Variants in GRIN2B observed in about 807,000 individuals in gnomAD.
GRIN2B encodes glutamate receptor ionotropic, NMDA 2B.
In GRIN2B, 5 loss-of-function variants were observed where a neutral mutation model predicts 114.5. The observed-to-expected ratio is 0.04, with a 90% CI of 0.02 to 0.09. GRIN2B has a LOEUF of 0.09. GRIN2B is among the 10% of genes least tolerant of loss of function. GRIN2B has a pLI of 1.00. For missense variants in GRIN2B, 1,108 were observed against 1,943.5 expected (o/e 0.57, Z 8.08); for synonymous variants, 787 against 745.1 (o/e 1.06, Z -0.92).
At chr12:13,817,232 C>A (rs537365764) in intron 3 of GRIN2B, among the ~76,000 whole-genome samples, 1 of 152,160 alleles carries the variant, frequency 6.6e-6, no homozygotes, top group Non-Finnish European at 1.5e-5. Flanking sequence ...GCCTCCTTCT[C>A]TGATGTCTCC....
intron 2 of GRIN2B, among the ~76,000 whole-genome samples, chr12:13,951,939 A>AT (rs1176767470): frequency 6.6e-6 from 1 of 152,214 alleles, no homozygotes; most frequent in African/African-American, 2.4e-5. Flanking sequence ...ATCCTTATTA[A>AT]TTGCTTGCAA....
chr12:13,598,461 C>A (rs982383896), intron 10 of GRIN2B, among the ~76,000 whole-genome samples: 1 of 152,188 alleles, frequency 6.6e-6, no homozygotes, highest in Non-Finnish European at 1.5e-5. Context: ...CTCACCAAGA[C>A]CTGTCACCTT....
intron 9 of GRIN2B, among the ~76,000 whole-genome samples, chr12:13,610,947 A>T (rs1949358850): frequency 6.6e-6 from 1 of 152,188 alleles, no homozygotes; most frequent in Admixed American, 6.5e-5. Context: ...TAGAGCTCAC[A>T]TTCTGGAATG....
In GRIN2B at chr12:13,539,259, C is replaced by CA. The variant is rs1157923049; in HGVS notation, c.*23523dup. The CA allele has an allele frequency of 6.6e-6, 1 of 152,352 alleles. No homozygotes were observed. Among genetic ancestry groups the CA allele is most frequent in the East Asian group, 1.9e-4 (1 of 5,184 alleles). The allele number at this position is 152,352 out of a possible 1,614,324, so 9.4% of individuals were successfully genotyped here. ...TAGCCAGGGCTGCCATACATGAGCT[C>CA]ACCCAGGCTCCTTGGCCATGAGACA... is the stretch of plus-strand genomic sequence containing the variant. On this transcript the variant is annotated 3_prime_UTR_variant, in exon 14 of 14. Coordinates refer to ENST00000609686, the MANE Select transcript of GRIN2B (RefSeq NM_000834.5).
intron 5 of GRIN2B, among the ~76,000 whole-genome samples, chr12:13,625,261 T>C (rs1949554963): frequency 1.3e-5 from 2 of 152,216 alleles, no homozygotes; most frequent in African/African-American, 4.8e-5. Flanking sequence ...CAAGAGAATA[T>C]TTATGACCTC....
chr12:13,707,558 T>C (rs907422973), intron 4 of GRIN2B, among the ~76,000 whole-genome samples: 1 of 152,194 alleles, frequency 6.6e-6, no homozygotes, highest in Middle Eastern at 3.4e-3. Flanking sequence ...TAAAGAAAAG[T>C]TAAACAGTGT....
Position 13,969,719 on chromosome 12 carries a change from G to A in GRIN2B, c.-19+10209C>T, listed in dbSNP as rs7960127. On this transcript the variant is annotated intron_variant, in intron 2 of 13. Transcript: ENST00000609686. ...TTTTCCTAATCTCTGTCTCAGTTGC[G>A]TAAATGCAGACTTATCAATAAACTA... is the stretch of plus-strand genomic sequence containing the variant. Among the ~76,000 whole-genome samples the A allele has an allele frequency of 9.4e-3, 1,438 of 152,204 alleles. 15 individuals carry two copies. Among genetic ancestry groups the A allele is most frequent in the African/African-American group, 0.028 (1,143 of 41,508 alleles).
intron 4 of GRIN2B, among the ~76,000 whole-genome samples, chr12:13,714,317 C>T (rs539788115): frequency 6.6e-6 from 1 of 152,002 alleles, no homozygotes; most frequent in East Asian, 1.9e-4. Flanking sequence ...GATACTTCCT[C>T]TGATACAGCG....
At chr12:13,586,583 G>C (rs565519748) in intron 10 of GRIN2B, among the ~76,000 whole-genome samples, 204 of 152,266 alleles carry the variant, frequency 1.3e-3, no homozygotes, top group Non-Finnish European at 2.4e-3. Context: ...CTTTGAAGAA[G>C]TCATTGCCAA....
At chr12:13,683,050 C>G (rs1950146125) in intron 4 of GRIN2B, among the ~76,000 whole-genome samples, 1 of 152,094 alleles carries the variant, frequency 6.6e-6, no homozygotes, top group Non-Finnish European at 1.5e-5. Flanking sequence ...CTGTGATAAC[C>G]TCCTATCTAT....
chr12:13,963,463 G>C (rs1236677768), intron 2 of GRIN2B, among the ~76,000 whole-genome samples: 2 of 152,190 alleles, frequency 1.3e-5, no homozygotes, highest in African/African-American at 4.8e-5. Flanking sequence ...AGGCCAGCAA[G>C]GACCATCCCT....
chr12:13,702,599 C>T (rs1040067004), intron 4 of GRIN2B, among the ~76,000 whole-genome samples: 12 of 152,020 alleles, frequency 7.9e-5, no homozygotes, highest in East Asian at 1.9e-4. Flanking sequence ...ATCCGCCCTC[C>T]GGGGGGTCCA....
intron 2 of GRIN2B, among the ~76,000 whole-genome samples, chr12:13,952,379 T>C (rs1231035604): frequency 6.6e-6 from 1 of 152,198 alleles, no homozygotes; most frequent in African/African-American, 2.4e-5. Flanking sequence ...AATCCACAAA[T>C]TAGGATATAG....
intron 3 of GRIN2B, among the ~76,000 whole-genome samples, chr12:13,781,287 C>T (rs187959853): frequency 8.8e-4 from 134 of 152,282 alleles, no homozygotes; most frequent in African/African-American, 3.0e-3. Context: ...AAATGATATT[C>T]GTCTGGGTTA....
chr12:13,824,212 T>G (rs1199958182), intron 3 of GRIN2B, among the ~76,000 whole-genome samples: 4 of 152,198 alleles, frequency 2.6e-5, no homozygotes, highest in Non-Finnish European at 4.4e-5. Flanking sequence ...TGTTCTTTCT[T>G]TATACGTTTG....
At chr12:13,971,426 C>A (rs966864336) in intron 2 of GRIN2B, among the ~76,000 whole-genome samples, 1 of 152,086 alleles carries the variant, frequency 6.6e-6, no homozygotes, top group Non-Finnish European at 1.5e-5. Context: ...ATTAACCCAG[C>A]CAGCCTAATA....
intron 3 of GRIN2B, among the ~76,000 whole-genome samples, chr12:13,761,881 G>A (rs1231611692): frequency 1.3e-5 from 2 of 152,302 alleles, no homozygotes; most frequent in Non-Finnish European, 2.9e-5. Context: ...TTAAGTAGTA[G>A]CGTTATCAAT....
chr12:13,958,868 G>A (rs1415830979), intron 2 of GRIN2B, among the ~76,000 whole-genome samples: 1 of 152,048 alleles, frequency 6.6e-6, no homozygotes, highest in East Asian at 1.9e-4. Flanking sequence ...TTGGCTTTGA[G>A]AGAGGGGAAA....
chr12:13,968,113 T>C (rs921583531), intron 2 of GRIN2B, among the ~76,000 whole-genome samples: 1 of 152,238 alleles, frequency 6.6e-6, no homozygotes, highest in African/African-American at 2.4e-5. Flanking sequence ...GATTAAAAAC[T>C]GCAGGTCACA....
Sources: gnomAD v4.1 joint callset for allele counts (sites outside exome capture counted in the v4.1 genomes callset) on GRCh38, gnomAD v4.1.1 for gene constraint, MANE v1.5 for transcripts, NCBI Gene and HGNC (gene_info 2026-07-23, HGNC 2026-07-21) for gene names.